The following EFCAB13 variants were observed in gnomAD, a reference collection of about 807,000 sequenced individuals.
EFCAB13 encodes EF-hand calcium-binding domain-containing protein 13.
A neutral mutation model predicts 110.2 loss-of-function variants in EFCAB13; 91 were observed. The ratio of observed to expected loss-of-function variants is 0.83; its 90% CI spans 0.70 to 0.98. The LOEUF is 0.98. Among genes scored for constraint, EFCAB13 ranks in the 50% least tolerant of loss-of-function variants. The pLI is 0.00. For synonymous variants in EFCAB13, 323 were observed against 369.9 expected (o/e 0.87, Z 1.45); for missense variants, 968 against 1,119.4 (o/e 0.86, Z 1.93).
intron 9 of EFCAB13, among the ~76,000 whole-genome samples, chr17:47,357,289 G>T (rs2065486306): frequency 6.6e-6 from 1 of 152,184 alleles, no homozygotes; most frequent in South Asian, 2.1e-4. Flanking sequence ...AGTTCTTGGA[G>T]CAAAAGTTCA....
intron 23 of EFCAB13, among the ~76,000 whole-genome samples, chr17:47,427,704 T>C (rs1388991216): frequency 6.6e-6 from 1 of 152,102 alleles, no homozygotes; most frequent in African/African-American, 2.4e-5. Context: ...AGTAGTATTA[T>C]GACTATCCAA....
intron 14 of EFCAB13, among the ~76,000 whole-genome samples, chr17:47,386,986 C>G (rs2143398286): frequency 6.6e-6 from 1 of 152,100 alleles, no homozygotes; most frequent in East Asian, 1.9e-4. Flanking sequence ...CCAACCAGTC[C>G]CAATGAGATG....
intron 5 of EFCAB13, 39 bp downstream of exon 5, chr17:47,335,395 C>G (rs1241469948): frequency 7.8e-6 from 12 of 1,528,994 alleles, no homozygotes; most frequent in Non-Finnish European, 1.1e-5. Flanking sequence ...TTGAATTATA[C>G]TTTTGCAAGT....
At chr17:47,424,896 T>TTTTTTTTTTTTTTTTTTTTTG (rs1567807243) in intron 23 of EFCAB13, among the ~76,000 whole-genome samples, 2 of 84,508 alleles carry the variant, frequency 2.4e-5, no homozygotes, top group African/African-American at 1.2e-4. Flanking sequence ...TTTTTTTTTT[T>TTTTTTTTTTTTTTTTTTTTTG]TTTTGAGACG....
chr17:47,334,991 C>T (rs562351018), intron 4 of EFCAB13, among the ~76,000 whole-genome samples: 42 of 152,220 alleles, frequency 2.8e-4, no homozygotes, highest in Middle Eastern at 3.4e-3. Context: ...GTATAATGCA[C>T]TAAGGATAAT....
chr17:47,341,070 C>T (rs1199746664), intron 5 of EFCAB13, among the ~76,000 whole-genome samples: 1 of 151,966 alleles, frequency 6.6e-6, no homozygotes, highest in East Asian at 1.9e-4. Context: ...ATGTTCAAGC[C>T]TCTAGAATCC....
intron 5 of EFCAB13, among the ~76,000 whole-genome samples, chr17:47,339,200 C>T (rs1313950718): frequency 6.6e-6 from 1 of 152,046 alleles, no homozygotes; most frequent in Non-Finnish European, 1.5e-5. Flanking sequence ...ACTTGAAGCA[C>T]TTTCTAAGAG....
At chr17:47,393,038 G>T (rs1318813561) in intron 15 of EFCAB13, among the ~76,000 whole-genome samples, 5 of 152,054 alleles carry the variant, frequency 3.3e-5, no homozygotes, top group Non-Finnish European at 7.4e-5. Flanking sequence ...ATAATCACAT[G>T]AAAAGGTTCT....
intron 5 of EFCAB13, among the ~76,000 whole-genome samples, chr17:47,339,213 T>G (rs1285010470): frequency 6.6e-6 from 1 of 152,174 alleles, no homozygotes; most frequent in Non-Finnish European, 1.5e-5. Context: ...TCTAAGAGTA[T>G]GTGTCTTCTC....
intron 23 of EFCAB13, among the ~76,000 whole-genome samples, chr17:47,429,602 T>C (rs1281596905): frequency 1.3e-5 from 2 of 152,214 alleles, no homozygotes; most frequent in African/African-American, 4.8e-5. Flanking sequence ...TCTGGTAAAG[T>C]GAAATTGCTT....
chr17:47,333,122 A>G (rs2032996856), intron 4 of EFCAB13, among the ~76,000 whole-genome samples: 1 of 152,204 alleles, frequency 6.6e-6, no homozygotes, highest in African/African-American at 2.4e-5. Flanking sequence ...TAGCTAACAG[A>G]ATATCTAACA....
chr17:47,432,271 GC>G (rs1905129807), intron 24 of EFCAB13, among the ~76,000 whole-genome samples: 1 of 151,960 alleles, frequency 6.6e-6, no homozygotes, highest in African/African-American at 2.4e-5. Context: ...GGTGGCGGGC[GC>G]CTGTAGTCCC....
intron 22 of EFCAB13, 40 bp downstream of exon 22, chr17:47,412,956 T>C: frequency 6.3e-7 from 1 of 1,588,702 alleles, no homozygotes; most frequent in Non-Finnish European, 8.6e-7. Context: ...TCATTTTTTT[T>C]CTACTTATGA....
intron 15 of EFCAB13, among the ~76,000 whole-genome samples, chr17:47,393,749 TAAATAAAA>T (rs1198271895): frequency 2.4e-4 from 33 of 137,464 alleles, no homozygotes; most frequent in Middle Eastern, 3.7e-3. Context: ...AATAAATAAA[TAAATAAAA>T]ATAAAAATAA....
intron 17 of EFCAB13, among the ~76,000 whole-genome samples, chr17:47,400,682 C>T (rs949308468): frequency 6.6e-6 from 1 of 150,376 alleles, no homozygotes; most frequent in African/African-American, 2.5e-5. Context: ...CCCCTTCCCT[C>T]TCCTTCCCTT....
chr17:47,432,294 A>T (rs1478499878), intron 24 of EFCAB13, among the ~76,000 whole-genome samples: 8 of 152,024 alleles, frequency 5.3e-5, no homozygotes, highest in Non-Finnish European at 1.2e-4. Flanking sequence ...GCTACTTGGG[A>T]GGCTTAGGCA....
intron 17 of EFCAB13, among the ~76,000 whole-genome samples, chr17:47,401,806 G>A (rs1321236465): frequency 1.3e-5 from 2 of 151,590 alleles, no homozygotes; most frequent in Non-Finnish European, 2.9e-5. Flanking sequence ...CACCACACCC[G>A]GCTAATTTTT....
At chr17:47,328,533 T>C in intron 4 of EFCAB13, 150 bp downstream of exon 4, 1 of 644,362 alleles carries the variant, frequency 1.6e-6, no homozygotes, top group South Asian at 2.1e-5. Context: ...TTGAGTCATT[T>C]TAGTGAACAT....
intron 4 of EFCAB13, among the ~76,000 whole-genome samples, chr17:47,330,670 A>G (rs2065314694): frequency 6.6e-6 from 1 of 152,074 alleles, no homozygotes; most frequent in African/African-American, 2.4e-5. Flanking sequence ...CGTAGTATAT[A>G]TACCACATTT....
Sources: gnomAD v4.1 joint callset for allele counts (sites outside exome capture counted in the v4.1 genomes callset) on GRCh38, gnomAD v4.1.1 for gene constraint, MANE v1.5 for transcripts, NCBI Gene and HGNC (gene_info 2026-07-23, HGNC 2026-07-21) for gene names.